RPF2: variants seen among roughly 807,000 people sequenced by gnomAD.
RPF2 encodes brix domain containing 1.
Under a neutral mutation model 38.9 loss-of-function variants are expected in RPF2, and 21 were observed. The ratio of observed to expected loss-of-function variants is 0.54; its 90% CI spans 0.38 to 0.78. The LOEUF is 0.78. Among genes scored for constraint, RPF2 ranks in the 30% least tolerant of loss-of-function variants. RPF2 has a pLI of 0.00. For missense variants in RPF2, 314 were observed against 358.1 expected (o/e 0.88, Z 0.99); for synonymous variants, 121 against 126.2 (o/e 0.96, Z 0.28).
chr6:110,987,644 CAG>C (rs1190496466), intron 2 of RPF2, among the ~76,000 whole-genome samples: 6 of 152,142 alleles, frequency 3.9e-5, no homozygotes, highest in Non-Finnish European at 8.8e-5. Flanking sequence ...TACACGGAAA[CAG>C]GGAAATAGTT....
intron 8 of RPF2, 41 bp from the exon 9 acceptor site, chr6:111,024,142 T>G: frequency 6.5e-7 from 1 of 1,540,308 alleles, no homozygotes; most frequent in Admixed American, 2.2e-5. Context: ...AGGACTTTTA[T>G]GAAAGTCAAA....
At chr6:110,984,516 A>G (rs1171757148) in intron 1 of RPF2, among the ~76,000 whole-genome samples, 2 of 152,206 alleles carry the variant, frequency 1.3e-5, no homozygotes, top group Admixed American at 6.6e-5. Context: ...AACAATAATA[A>G]GGAAATATCT....
chr6:111,005,608 A>G (rs1490806183), intron 6 of RPF2, among the ~76,000 whole-genome samples: 1 of 152,092 alleles, frequency 6.6e-6, no homozygotes, highest in Non-Finnish European at 1.5e-5. Context: ...TCCAGCTGGT[A>G]GTTTAATTTA....
At position 110,996,496 on chromosome 6, in the gene RPF2, T is replaced by C. The variant is rs1771713462; in HGVS notation, c.235-687T>C. Among the ~76,000 whole-genome samples, 3 of 152,230 alleles carry C rather than the reference T, an allele frequency of 2.0e-5. No individual in the cohort carries two copies. In the Middle Eastern group the frequency reaches 0.01, roughly 518 times the overall value. The stretch of plus-strand genomic sequence containing the variant: ...GAGCCACCTTACTGGGCCTCGTGTG[T>C]TTTGAATGTATGCAATGATAGTAGT... On this transcript the variant is annotated intron_variant, in intron 4 of 9. Coordinates refer to ENST00000441448, the MANE Select transcript of RPF2 (RefSeq NM_032194.3).
intron 9 of RPF2, 106 bp from the exon 10 acceptor site, chr6:111,025,297 G>A (rs1030796937): frequency 1.4e-6 from 1 of 692,688 alleles, no homozygotes; most frequent in African/African-American, 1.8e-5. Context: ...CACTGAAGGG[G>A]CAGGCACTAA....
At chr6:110,990,860 A>G (rs1403791243) in intron 3 of RPF2, among the ~76,000 whole-genome samples, 1 of 152,220 alleles carries the variant, frequency 6.6e-6, no homozygotes, top group Admixed American at 6.5e-5. Flanking sequence ...GGCGTGAGCC[A>G]CTGCTCCCAG....
At chr6:111,004,683 A>G (rs981881134) in intron 6 of RPF2, among the ~76,000 whole-genome samples, 6 of 151,746 alleles carry the variant, frequency 4.0e-5, no homozygotes, top group African/African-American at 9.7e-5. Flanking sequence ...AGTTCAAGCA[A>G]TTCTCTTGCC....
intron 4 of RPF2, among the ~76,000 whole-genome samples, chr6:110,996,124 GTT>G (rs35806882): frequency 2.4e-4 from 30 of 122,664 alleles, no homozygotes; most frequent in South Asian, 1.1e-3. Flanking sequence ...AGCCAGATAA[GTT>G]TTTTTTTTTT....
chr6:111,013,707 TCAGTAA>T (rs1170331350), intron 7 of RPF2, among the ~76,000 whole-genome samples: 5 of 152,310 alleles, frequency 3.3e-5, no homozygotes, highest in East Asian at 3.9e-4. Flanking sequence ...TACTCTGACT[TCAGTAA>T]TGCCACACCA....
chr6:110,982,467 C>A, intron 1 of RPF2: 1 of 353,994 alleles, frequency 2.8e-6, no homozygotes, highest in Non-Finnish European at 5.2e-6. Context: ...ATCTGAGTGA[C>A]AGTCTGGCGC....
At chr6:110,982,223 A>G in intron 1 of RPF2, 94 bp downstream of exon 1, 1 of 1,418,624 alleles carries the variant, frequency 7.0e-7, no homozygotes, top group Middle Eastern at 1.8e-4. Context: ...CTTCCTGGTT[A>G]CCCCTCTAAT....
At chr6:111,003,971 C>A (rs1356990574) in intron 6 of RPF2, among the ~76,000 whole-genome samples, 1 of 151,030 alleles carries the variant, frequency 6.6e-6, no homozygotes, top group African/African-American at 2.4e-5. Context: ...CGCCACCACA[C>A]CCAGCTAATT....
In RPF2 at chr6:111,026,102, G is replaced by A. The variant is rs1447724112; in HGVS notation, c.*520G>A. ...AAATATATAGATCTCTGAGAGGGAT[G>A]TCTGCTATCTGATTATTGATAAATT... On this transcript the variant is annotated 3_prime_UTR_variant, in exon 10 of 10. Coordinates refer to ENST00000441448, the MANE Select transcript of RPF2 (RefSeq NM_032194.3). 6.6e-6 allele frequency: 1 copy of A among 152,322 alleles called. No homozygotes were observed. The highest frequency in any genetic ancestry group is 1.5e-5 in the Non-Finnish European group (1 of 68,156). The allele number at this position is 152,322 out of a possible 1,614,324, so 9.4% of individuals were successfully genotyped here. A position where few individuals can be genotyped will look rare whatever the true frequency, so the allele number is the denominator to read the frequency against.
chr6:111,022,717 G>T lies in RPF2; in HGVS notation c.597-1466G>T, dbSNP rs75988297. ...AAAATTATTTTTAGTTAATTAAAAGGTGCTTCAGTTAATTAAAAGGTGCTT... is the reference window on the plus strand; with the variant it reads ...AAAATTATTTTTAGTTAATTAAAAGTTGCTTCAGTTAATTAAAAGGTGCTT... On this transcript the variant is annotated intron_variant, in intron 8 of 9. Coordinates refer to ENST00000441448, the MANE Select transcript of RPF2 (RefSeq NM_032194.3). Among the ~76,000 whole-genome samples, 38 of 152,208 alleles carry T rather than the reference G, an allele frequency of 2.5e-4. No individual in the cohort carries two copies. In the East Asian group the frequency reaches 6.9e-3, roughly 28 times the overall value.
At chr6:111,025,295 G>T in intron 9 of RPF2, 108 bp from the exon 10 acceptor site, 1 of 682,572 alleles carries the variant, frequency 1.5e-6, no homozygotes, top group Non-Finnish European at 2.5e-6. Context: ...GTCACTGAAG[G>T]GGCAGGCACT....
In RPF2 at chr6:110,991,613, A is replaced by G. The variant is rs1371287652; in HGVS notation, c.195-134A>G. ...CTAGAATGGTAGCCTGGCATATAAC[A>G]GGCACTGAATAAATATTTGAATGAA... On this transcript the variant is annotated intron_variant, in intron 3 of 9. Transcript: ENST00000441448. The G allele has an allele frequency of 5.2e-5, 19 of 367,490 alleles. No individual in the cohort carries two copies. The Admixed American group carries it at 9.3e-4, about 18-fold the overall frequency. The allele number at this position is 367,490 out of a possible 1,614,324, so 22.8% of individuals were successfully genotyped here. A position where few individuals can be genotyped will look rare whatever the true frequency, so the allele number is the denominator to read the frequency against.
chr6:111,008,017 GCT>G lies in RPF2; in HGVS notation c.394-20_394-19del. On this transcript the variant is annotated intron_variant, in intron 6 of 9. Coordinates refer to ENST00000441448, the MANE Select transcript of RPF2 (RefSeq NM_032194.3). ...TTTAGACTTTGGTAATTATATAATTGCTTTTTTTTTTTTTTTTTAGAACAGTA... is the reference window on the plus strand; with the variant it reads ...TTTAGACTTTGGTAATTATATAATTGTTTTTTTTTTTTTTTTAGAACAGTA... 2.5e-6 allele frequency: 3 copies of G among 1,213,546 alleles called. No individual in the cohort carries two copies. The highest frequency in any genetic ancestry group is 3.4e-6 in the Non-Finnish European group (3 of 871,094). The allele number at this position is 1,213,546 out of a possible 1,614,324, so 75.2% of individuals were successfully genotyped here. A position where few individuals can be genotyped will look rare whatever the true frequency, so the allele number is the denominator to read the frequency against.
intron 8 of RPF2, among the ~76,000 whole-genome samples, chr6:111,018,208 GGAGGGGGAGGGA>G (rs1230614975): frequency 6.7e-6 from 1 of 149,618 alleles, no homozygotes; most frequent in African/African-American, 2.5e-5. Context: ...CCGGGGAGGG[GGAGGGGGAGGGA>G]GAGGGAGAGG....
chr6:110,989,268 T>C (rs1771577139), intron 3 of RPF2, among the ~76,000 whole-genome samples: 1 of 152,206 alleles, frequency 6.6e-6, no homozygotes, highest in Admixed American at 6.5e-5. Flanking sequence ...ATAGCATATA[T>C]ATTTTATTTT....
Sources: allele counts gnomAD v4.1 joint callset (sites outside exome capture counted in the v4.1 genomes callset), GRCh38; gene constraint gnomAD v4.1.1; transcripts MANE v1.5; gene names NCBI Gene and HGNC (gene_info 2026-07-23, HGNC 2026-07-21).